MAD2L1BP: variants seen among roughly 807,000 people sequenced by gnomAD.
The protein encoded by MAD2L1BP is MAD2L1-binding protein.
Under a neutral mutation model 28.4 loss-of-function variants are expected in MAD2L1BP, and 22 were observed. That is an observed-to-expected ratio of 0.77 (90% CI 0.55 to 1.10). The LOEUF (loss-of-function observed/expected upper bound fraction) is 1.10, where lower values mean the gene tolerates loss of function less well. Ranked by LOEUF, MAD2L1BP falls within the 50% of genes least tolerant of loss-of-function variation. MAD2L1BP has a pLI of 0.00. For missense variants in MAD2L1BP, 325 were observed against 350.5 expected (o/e 0.93, Z 0.58); for synonymous variants, 146 against 133.7 (o/e 1.09, Z -0.63).
intron 1 of MAD2L1BP, chr6:43,629,881 G>A: frequency 7.5e-6 from 10 of 1,325,910 alleles, no homozygotes; most frequent in Middle Eastern, 3.9e-4. Context: ...TTTATTACCA[G>A]GCTGGCACCG....
In MAD2L1BP at chr6:43,636,483, G is replaced by GC. The variant is rs1561930813; in HGVS notation, c.152dup (p.Arg52LysfsTer24). ...CCTCTCAACGCTTCGGAGGCCTTTTGCCCAAGAGACTGCATGGTACCAGTG... is the reference window on the plus strand; with the variant it reads ...CCTCTCAACGCTTCGGAGGCCTTTTGCCCCAAGAGACTGCATGGTACCAGTG... On this transcript the variant is annotated frameshift_variant, in exon 2 of 3. Transcript: ENST00000372171. LOFTEE classifies it high-confidence loss of function. 6.2e-7 allele frequency: 1 copy of GC among 1,614,200 alleles called. No homozygotes were observed.
chr6:43,630,890 CAG>C (rs1561928930), upstream of MAD2L1BP, among the ~76,000 whole-genome samples: 2 of 106,884 alleles, frequency 1.9e-5, no homozygotes, highest in Non-Finnish European at 3.4e-5. Flanking sequence ...GCCTGGGTGA[CAG>C]AACGAGACTT....
chr6:43,635,127 T>A (rs1202841991), upstream of MAD2L1BP, among the ~76,000 whole-genome samples: 1 of 152,078 alleles, frequency 6.6e-6, no homozygotes, highest in Non-Finnish European at 1.5e-5. Flanking sequence ...ATCATGCCAC[T>A]CTCCTACTTA....
chr6:43,629,808 AT>A, intron 1 of MAD2L1BP: 1 of 1,555,478 alleles, frequency 6.4e-7, no homozygotes. Flanking sequence ...GCGGATGGTG[AT>A]TAGCCAAATT....
chr6:43,633,977 G>A (rs570238781), upstream of MAD2L1BP, among the ~76,000 whole-genome samples: 2 of 152,104 alleles, frequency 1.3e-5, no homozygotes, highest in South Asian at 4.2e-4. Context: ...CAATATCCTA[G>A]CCCATTCTCA....
At chr6:43,630,723 A>T (rs1311911073) in intron 1 of MAD2L1BP, among the ~76,000 whole-genome samples, 4 of 151,124 alleles carry the variant, frequency 2.6e-5, no homozygotes, top group Non-Finnish European at 5.9e-5. Flanking sequence ...AGCCTGGGCA[A>T]CAGAGCGAGA....
rs913000547 is a variant in MAD2L1BP, at chr6:43,640,688, G to A, written c.*155G>A. The A allele has an allele frequency of 5.7e-6, 4 of 699,260 alleles. No homozygotes were observed. In the African/African-American group the frequency reaches 7.2e-5, roughly 13 times the overall value. The allele number at this position is 699,260 out of a possible 1,614,324, so 43.3% of individuals were successfully genotyped here. A position where few individuals can be genotyped will look rare whatever the true frequency, so the allele number is the denominator to read the frequency against. ...CTGCCTCCCCTCAGATTTCCTGATA[G>A]GCTGATGGCATGTGGCTGTGACTGT... On this transcript the variant is annotated 3_prime_UTR_variant, in exon 3 of 3. Coordinates refer to ENST00000372171, the MANE Select transcript of MAD2L1BP (RefSeq NM_014628.3).
At chr6:43,639,780 C>T (rs1770462366) in intron 2 of MAD2L1BP, among the ~76,000 whole-genome samples, 1 of 152,216 alleles carries the variant, frequency 6.6e-6, no homozygotes, top group Non-Finnish European at 1.5e-5. Flanking sequence ...GGATATCCTC[C>T]ACCTTCAGAA....
At chr6:43,637,945 G>A (rs1233193287) in intron 2 of MAD2L1BP, among the ~76,000 whole-genome samples, 3 of 151,862 alleles carry the variant, frequency 2.0e-5, no homozygotes, top group Non-Finnish European at 4.4e-5. Context: ...GTGTGGCCCA[G>A]GCTGGAGTGC....
In MAD2L1BP at chr6:43,635,936, C is replaced by T. The variant is rs1770188849; in HGVS notation, c.46+15C>T. 3 of 1,524,430 alleles carry T rather than the reference C, an allele frequency of 2.0e-6. No homozygotes were observed. The highest frequency in any genetic ancestry group is 2.0e-4 in the Middle Eastern group (1 of 5,066). The allele number at this position is 1,524,430 out of a possible 1,614,324, so 94.4% of individuals were successfully genotyped here. ...CGCAGTCCCTGGTAAGGCGTGGGGC[C>T]AAGAGTTTGGGGAGCCTTGGGGACT... On this transcript the variant is annotated intron_variant, in intron 1 of 2. Coordinates refer to ENST00000372171, the MANE Select transcript of MAD2L1BP (RefSeq NM_014628.3).
chr6:43,633,913 T>C (rs1417827024), upstream of MAD2L1BP, among the ~76,000 whole-genome samples: 1 of 152,224 alleles, frequency 6.6e-6, no homozygotes, highest in Non-Finnish European at 1.5e-5. Context: ...GGGTACTCTT[T>C]AGTCTTCTCC....
At chr6:43,634,200 CT>C (rs1459012685), upstream of MAD2L1BP, among the ~76,000 whole-genome samples, 220 of 140,484 alleles carry the variant, frequency 1.6e-3, no homozygotes, top group African/African-American at 4.0e-3. Flanking sequence ...TTCCTCCATC[CT>C]TTTTTTTTTT....
upstream of MAD2L1BP, among the ~76,000 whole-genome samples, chr6:43,634,338 G>A (rs576246320): frequency 4.4e-4 from 65 of 149,154 alleles, 2 homozygotes; most frequent in South Asian, 7.2e-3. Context: ...CTCTGCTTCA[G>A]CCTCCAGAAT....
chr6:43,637,458 C>T lies in MAD2L1BP; in HGVS notation c.312+812C>T, dbSNP rs574909226. On this transcript the variant is annotated intron_variant, in intron 2 of 2. Coordinates refer to ENST00000372171, the MANE Select transcript of MAD2L1BP (RefSeq NM_014628.3). ...TTTTTTTTTTTGAGACAGAGTCTCG[C>T]CTTGTCACCCAGGCTGGAGGACAGT... is the stretch of plus-strand genomic sequence containing the variant. Among the ~76,000 whole-genome samples the T allele has an allele frequency of 2.3e-4, 34 of 147,664 alleles. 1 individual carries two copies. The East Asian group carries it at 6.2e-3, about 27-fold the overall frequency.
Position 43,640,795 on chromosome 6 carries a change from G to C in MAD2L1BP, c.*262G>C. The C allele has an allele frequency of 2.4e-6, 1 of 421,656 alleles. No individual in the cohort carries two copies. Among genetic ancestry groups the C allele is most frequent in the Non-Finnish European group, 4.2e-6 (1 of 237,096 alleles). 26.1% of individuals were successfully genotyped at this position (421,656 alleles called of 1,614,324 possible). ...GGTGCTGGGTCAGGCATTTCTATTAGGAGTTGGAAAGCAAAAATGGGTCCA... is the reference window on the plus strand; with the variant it reads ...GGTGCTGGGTCAGGCATTTCTATTACGAGTTGGAAAGCAAAAATGGGTCCA... On this transcript the variant is annotated 3_prime_UTR_variant, in exon 3 of 3. Transcript: ENST00000372171.
At chr6:43,632,798 A>G (rs1769997476), upstream of MAD2L1BP, among the ~76,000 whole-genome samples, 2 of 151,230 alleles carry the variant, frequency 1.3e-5, no homozygotes, top group Non-Finnish European at 2.9e-5. Flanking sequence ...AGGCAGGTGG[A>G]TCACCTAAGG....
At chr6:43,639,936 G>A (rs568278434) in intron 2 of MAD2L1BP, 85 bp from the exon 3 acceptor site, 42 of 1,264,318 alleles carry the variant, frequency 3.3e-5, no homozygotes, top group Non-Finnish European at 4.1e-5. Flanking sequence ...GTAAGTCTAT[G>A]TACACATCCC....
intron 1 of MAD2L1BP, among the ~76,000 whole-genome samples, chr6:43,630,430 C>T (rs1052758448): frequency 2.0e-5 from 3 of 152,118 alleles, no homozygotes; most frequent in African/African-American, 7.2e-5. Context: ...GCGAGGTGCT[C>T]ATACACGGTC....
exon 1 of MAD2L1BP, chr6:43,629,748 C>T (rs759855879): frequency 6.4e-7 from 1 of 1,554,878 alleles, no homozygotes; most frequent in Admixed American, 1.9e-5. Flanking sequence ...GTTTCTTCCC[C>T]TATGGCCCGC....
Sources: allele counts gnomAD v4.1 joint callset (sites outside exome capture counted in the v4.1 genomes callset), GRCh38; gene constraint gnomAD v4.1.1; transcripts MANE v1.5; gene names NCBI Gene and HGNC (gene_info 2026-07-23, HGNC 2026-07-21).